Variants in RBMS1 observed in about 807,000 individuals in gnomAD.
RBMS1 encodes RNA-binding motif, single-stranded-interacting protein 1.
A neutral mutation model predicts 62.3 loss-of-function variants in RBMS1; 17 were observed. The ratio of observed to expected loss-of-function variants is 0.27; its 90% CI spans 0.19 to 0.41. The LOEUF is 0.41. Among genes scored for constraint, RBMS1 ranks in the 10% least tolerant of loss-of-function variants. The probability of loss-of-function intolerance (pLI) is 1.00; values close to 1 mark genes in which losing one functional copy is unlikely to be tolerated. For synonymous variants in RBMS1, 172 were observed against 170.0 expected, an observed-to-expected ratio of 1.01 and a Z score of -0.09; for missense variants, 334 against 504.5, an observed-to-expected ratio of 0.66 and a Z score of 3.24.
At chr2:160,463,359 C>G (rs573118212) in intron 1 of RBMS1, among the ~76,000 whole-genome samples, 44 of 152,164 alleles carry the variant, frequency 2.9e-4, no homozygotes, top group Non-Finnish European at 5.0e-4. Context: ...CAAAAAACAT[C>G]AATTCAGGCT....
Position 160,303,329 on chromosome 2 carries a change from C to G in RBMS1, c.560+1G>C. On this transcript the variant is annotated splice_donor_variant, in intron 5 of 13. Coordinates refer to ENST00000348849, the MANE Select transcript of RBMS1 (RefSeq NM_016836.4). LOFTEE classifies it high-confidence loss of function. Reference sequence around the variant, plus strand: ...TAATAAAGACTGGGCAGAAGGCTTACCTAGCAAAGCCAACACCACGACTTG... The same window carrying G: ...TAATAAAGACTGGGCAGAAGGCTTAGCTAGCAAAGCCAACACCACGACTTG... The G allele has an allele frequency of 6.3e-7, 1 of 1,597,346 alleles. No individual in the cohort carries two copies. The highest frequency in any genetic ancestry group is 8.5e-7 in the Non-Finnish European group (1 of 1,173,848).
At chr2:160,451,147 A>C (rs1364625277) in intron 1 of RBMS1, among the ~76,000 whole-genome samples, 2 of 144,000 alleles carry the variant, frequency 1.4e-5, no homozygotes, top group Non-Finnish European at 3.1e-5. Flanking sequence ...ACAGAGCAAG[A>C]CCATGCTTCA....
intron 11 of RBMS1, chr2:160,278,215 C>T: frequency 3.6e-6 from 1 of 275,210 alleles, no homozygotes; most frequent in Non-Finnish European, 7.0e-6. Flanking sequence ...CTGCTTTTAC[C>T]ATCTTGTATT....
At chr2:160,441,408 G>A (rs1039222801) in intron 1 of RBMS1, among the ~76,000 whole-genome samples, 4 of 152,122 alleles carry the variant, frequency 2.6e-5, no homozygotes, top group African/African-American at 9.7e-5. Flanking sequence ...GTCATACCAG[G>A]TAAATGTATT....
chr2:160,445,115 C>T (rs1683589686), intron 1 of RBMS1, among the ~76,000 whole-genome samples: 1 of 152,188 alleles, frequency 6.6e-6, no homozygotes, highest in South Asian at 2.1e-4. Flanking sequence ...AATTTCTTCT[C>T]ATACTAGTAC....
intron 1 of RBMS1, among the ~76,000 whole-genome samples, chr2:160,390,535 AT>A (rs1224151327): frequency 1.3e-5 from 2 of 151,664 alleles, no homozygotes; most frequent in Non-Finnish European, 2.9e-5. Context: ...TATGAAAAAA[AT>A]TTTTTTTTAA....
chr2:160,487,579 A>G (rs1354447086), intron 1 of RBMS1, among the ~76,000 whole-genome samples: 1 of 152,198 alleles, frequency 6.6e-6, no homozygotes, highest in Non-Finnish European at 1.5e-5. Context: ...TACAACAACT[A>G]CCAGCTTAAA....
intron 1 of RBMS1, chr2:160,407,836 C>A (rs889824615): frequency 1.0e-6 from 1 of 981,322 alleles, no homozygotes; most frequent in African/African-American, 1.8e-5. Flanking sequence ...GCGTCGCCGA[C>A]TCTCCCGGCG....
At chr2:160,280,663 G>A (rs924548738) in intron 10 of RBMS1, among the ~76,000 whole-genome samples, 2 of 152,156 alleles carry the variant, frequency 1.3e-5, no homozygotes, top group African/African-American at 4.8e-5. Context: ...ATGTGAGCAT[G>A]CAGGGTCATT....
chr2:160,491,398 T>G (rs1009001920), intron 1 of RBMS1, among the ~76,000 whole-genome samples: 1 of 152,260 alleles, frequency 6.6e-6, no homozygotes, highest in Non-Finnish European at 1.5e-5. Context: ...TATTAAATGC[T>G]TTATGCAGGA....
intron 1 of RBMS1, among the ~76,000 whole-genome samples, chr2:160,378,165 A>C (rs1412942810): frequency 6.6e-6 from 1 of 151,850 alleles, no homozygotes; most frequent in Non-Finnish European, 1.5e-5. Context: ...AAGGAAACAC[A>C]CCTATGAAAT....
At chr2:160,458,579 C>T (rs1241558542) in intron 1 of RBMS1, among the ~76,000 whole-genome samples, 2 of 152,124 alleles carry the variant, frequency 1.3e-5, no homozygotes, top group Non-Finnish European at 2.9e-5. Context: ...GGTGGATCAC[C>T]TGGGGTCAGG....
chr2:160,337,358 T>A (rs1691638064), intron 2 of RBMS1, among the ~76,000 whole-genome samples: 1 of 152,172 alleles, frequency 6.6e-6, no homozygotes, highest in Non-Finnish European at 1.5e-5. Flanking sequence ...GGTCTCGAAT[T>A]CCTGACCTCA....
intron 4 of RBMS1, among the ~76,000 whole-genome samples, chr2:160,304,136 A>T (rs1689361413): frequency 6.6e-6 from 1 of 152,150 alleles, no homozygotes; most frequent in African/African-American, 2.4e-5. Context: ...CTTTGTTCAG[A>T]GGACATGGCA....
At position 160,339,137 on chromosome 2, in the gene RBMS1, G is replaced by A. The variant is rs575075415; in HGVS notation, c.252-20910C>T. On this transcript the variant is annotated intron_variant, in intron 2 of 13. Transcript: ENST00000348849. ...GCCAGGCATGGTGGGAGGAGCTGCT[G>A]AAGAAAAAGCCAAGAAGCCAGCTGC... Among the ~76,000 whole-genome samples, 5 of 152,260 alleles carry A rather than the reference G, an allele frequency of 3.3e-5. No homozygotes were observed. The East Asian group carries it at 9.7e-4, about 29-fold the overall frequency.
intron 2 of RBMS1, among the ~76,000 whole-genome samples, chr2:160,336,974 G>A (rs1163733192): frequency 6.6e-6 from 1 of 152,070 alleles, no homozygotes; most frequent in South Asian, 2.1e-4. Context: ...GCTCACATTA[G>A]GGCAATAATC....
chr2:160,313,523 G>C lies in RBMS1; in HGVS notation c.311-276C>G, dbSNP rs572358306. Among the ~76,000 whole-genome samples the C allele has an allele frequency of 2.6e-4, 39 of 151,824 alleles. No individual in the cohort carries two copies. In the East Asian group the frequency reaches 5.8e-3, roughly 23 times the overall value. On this transcript the variant is annotated intron_variant, in intron 3 of 13. Coordinates refer to ENST00000348849, the MANE Select transcript of RBMS1 (RefSeq NM_016836.4). ...TTACGTGTCTTGTATTTACTGGTGGGGGGGAGACATCTAAGTTGCCAACCA... is the reference window on the plus strand; with the variant it reads ...TTACGTGTCTTGTATTTACTGGTGGCGGGGAGACATCTAAGTTGCCAACCA...
chr2:160,424,220 T>C (rs1355391349), intron 1 of RBMS1, among the ~76,000 whole-genome samples: 2 of 152,016 alleles, frequency 1.3e-5, no homozygotes, highest in Non-Finnish European at 2.9e-5. Flanking sequence ...GGTTTCACCA[T>C]GTTGGCCAGG....
Position 160,469,420 on chromosome 2 carries a change from G to A in RBMS1, c.75+23869C>T, listed in dbSNP as rs372587679. Among the ~76,000 whole-genome samples, 6 of 152,112 alleles carry A rather than the reference G, an allele frequency of 3.9e-5. No homozygotes were observed. In the South Asian group the frequency reaches 6.2e-4, roughly 16 times the overall value. On this transcript the variant is annotated intron_variant, in intron 1 of 13. Coordinates refer to ENST00000348849, the MANE Select transcript of RBMS1 (RefSeq NM_016836.4). ...CTGACTCCAGGCTTCCCTGGAGTCC[G>A]CCCACACAAGGTGTCTGCAACTCGG...
Sources: gnomAD v4.1 joint callset for allele counts (sites outside exome capture counted in the v4.1 genomes callset) on GRCh38, gnomAD v4.1.1 for gene constraint, MANE v1.5 for transcripts, NCBI Gene and HGNC (gene_info 2026-07-23, HGNC 2026-07-21) for gene names.